The following MAP6 variants were observed in gnomAD, a reference collection of about 807,000 sequenced individuals.
MAP6 encodes microtubule-associated protein 6.
In MAP6, 26 loss-of-function variants were observed where a neutral mutation model predicts 42.4. That is an observed-to-expected ratio of 0.61 (90% CI 0.45 to 0.85). The LOEUF (loss-of-function observed/expected upper bound fraction) is 0.85. Ranked by LOEUF, MAP6 falls within the 40% of genes least tolerant of loss-of-function variation. The pLI is 0.00. For missense variants in MAP6, 966 were observed against 1,099.0 expected, an observed-to-expected ratio of 0.88 and a Z score of 1.71; for synonymous variants, 418 against 443.8, an observed-to-expected ratio of 0.94 and a Z score of 0.73.
At chr11:75,648,311 T>C (rs1192996750) in intron 1 of MAP6, among the ~76,000 whole-genome samples, 1 of 152,132 alleles carries the variant, frequency 6.6e-6, no homozygotes, top group African/African-American at 2.4e-5. Context: ...CTGAGCAACA[T>C]AGTGAGACCT....
rs115691056 is a variant in MAP6, at chr11:75,648,564, T to A, written c.905+18901A>T. 8.0e-3 allele frequency among the ~76,000 whole-genome samples: 1,212 copies of A among 152,258 alleles called. 22 individuals carry two copies. Among genetic ancestry groups the A allele is most frequent in the African/African-American group, 0.027 (1,126 of 41,560 alleles). ...GAAGAAAATAGTGCCTTTATAACTT[T>A]GGGATAGTGAAGCATTTCTTACATT... On this transcript the variant is annotated intron_variant, in intron 1 of 3. Transcript: ENST00000304771.
chr11:75,665,727 G>A (rs891617849), intron 1 of MAP6, among the ~76,000 whole-genome samples: 3 of 151,980 alleles, frequency 2.0e-5, no homozygotes, highest in East Asian at 1.9e-4. Flanking sequence ...TTTGCTCCCC[G>A]CTTGGTAGCA....
intron 1 of MAP6, among the ~76,000 whole-genome samples, chr11:75,612,903 G>A (rs886078602): frequency 6.6e-6 from 1 of 152,182 alleles, no homozygotes; most frequent in Non-Finnish European, 1.5e-5. Flanking sequence ...TTTGTGGTTA[G>A]CAGGCAGTTT....
intron 1 of MAP6, among the ~76,000 whole-genome samples, chr11:75,623,026 A>T (rs1167862456): frequency 6.6e-6 from 1 of 152,200 alleles, no homozygotes; most frequent in Non-Finnish European, 1.5e-5. Context: ...AAAAGTTATT[A>T]AACATTTATC....
intron 1 of MAP6, among the ~76,000 whole-genome samples, chr11:75,631,426 CT>C (rs932442179): frequency 4.0e-5 from 6 of 151,562 alleles, no homozygotes; most frequent in Admixed American, 1.3e-4. Flanking sequence ...ATACAGTAGA[CT>C]TTTTTTTTCT....
chr11:75,654,907 A>C (rs1943715622), intron 1 of MAP6, among the ~76,000 whole-genome samples: 1 of 152,198 alleles, frequency 6.6e-6, no homozygotes, highest in South Asian at 2.1e-4. Flanking sequence ...TTCACAGGAC[A>C]CAAGGGCACC....
intron 3 of MAP6, among the ~76,000 whole-genome samples, chr11:75,596,896 G>A (rs915131783): frequency 6.6e-6 from 1 of 152,216 alleles, no homozygotes; most frequent in Non-Finnish European, 1.5e-5. Flanking sequence ...GAGGGACAGA[G>A]GAGGAGGCTG....
intron 3 of MAP6, among the ~76,000 whole-genome samples, chr11:75,590,534 G>A (rs138891258): frequency 6.6e-6 from 1 of 152,322 alleles, no homozygotes; most frequent in African/African-American, 2.4e-5. Flanking sequence ...TAATGAGCCA[G>A]TTGTGAGCTA....
At chr11:75,640,431 C>G (rs1943446211) in intron 1 of MAP6, among the ~76,000 whole-genome samples, 1 of 151,996 alleles carries the variant, frequency 6.6e-6, no homozygotes, top group Admixed American at 6.6e-5. Flanking sequence ...TTTTTCTGAC[C>G]CAATTCAAAC....
At position 75,608,327 on chromosome 11, in the gene MAP6, T is replaced by C; in HGVS notation, c.906-5A>G. On this transcript the variant is annotated splice_polypyrimidine_tract_variant and splice_region_variant and intron_variant, in intron 1 of 3. Coordinates refer to ENST00000304771, the MANE Select transcript of MAP6 (RefSeq NM_033063.2). ...GTCCATGCCCTGAATTCATTCCTGTTAGTCAAAGAAAGCATATGTGATATG... is the reference window on the plus strand; with the variant it reads ...GTCCATGCCCTGAATTCATTCCTGTCAGTCAAAGAAAGCATATGTGATATG... The C allele has an allele frequency of 6.2e-7, 1 of 1,613,200 alleles. No homozygotes were observed. Among genetic ancestry groups the C allele is most frequent in the East Asian group, 2.2e-5 (1 of 44,876 alleles).
At chr11:75,614,160 G>C (rs1045577752) in intron 1 of MAP6, among the ~76,000 whole-genome samples, 2 of 152,106 alleles carry the variant, frequency 1.3e-5, no homozygotes, top group African/African-American at 4.8e-5. Flanking sequence ...CCATCCCTGA[G>C]AGTAAAGGCT....
chr11:75,667,704 CG>C lies in MAP6; in HGVS notation c.665del (p.Ala222GlyfsTer76). On this transcript the variant is annotated frameshift_variant, in exon 1 of 4. Coordinates refer to ENST00000304771, the MANE Select transcript of MAP6 (RefSeq NM_033063.2). LOFTEE classifies it high-confidence loss of function. The surrounding 1 kb of genome is among the most constrained non-coding windows in gnomAD (Gnocchi z 5.6). ...AREQEAAPGG[A>X]GGLAAGKASG... The stretch of plus-strand genomic sequence containing the variant: ...ACGCCTTTCCGGCCGCCAGGCCACC[CG>C]CTCCGCCGGGGGCCGCCTCCTGCTC... 1 of 1,283,530 alleles carries C rather than the reference CG, an allele frequency of 7.8e-7. No homozygotes were observed. Among genetic ancestry groups the C allele is most frequent in the Non-Finnish European group, 9.8e-7 (1 of 1,018,894 alleles). The allele number at this position is 1,283,530 out of a possible 1,614,324, so 79.5% of individuals were successfully genotyped here.
At chr11:75,618,630 G>C (rs1943045759) in intron 1 of MAP6, among the ~76,000 whole-genome samples, 1 of 152,042 alleles carries the variant, frequency 6.6e-6, no homozygotes, top group Non-Finnish European at 1.5e-5. Flanking sequence ...TTATCCCTGA[G>C]TGCAGGGGGA....
chr11:75,643,203 T>C (rs1943503500), intron 1 of MAP6, among the ~76,000 whole-genome samples: 1 of 150,646 alleles, frequency 6.6e-6, no homozygotes, highest in Non-Finnish European at 1.5e-5. Flanking sequence ...TAAAATTTAT[T>C]ATTATGTATG....
chr11:75,623,071 T>C (rs1943135765), intron 1 of MAP6, among the ~76,000 whole-genome samples: 2 of 152,184 alleles, frequency 1.3e-5, no homozygotes, highest in African/African-American at 4.8e-5. Flanking sequence ...GGTCAATTTA[T>C]TTTTGACAAA....
At chr11:75,606,945 T>G (rs1225489963) in intron 2 of MAP6, among the ~76,000 whole-genome samples, 1 of 152,180 alleles carries the variant, frequency 6.6e-6, no homozygotes, top group Admixed American at 6.5e-5. Context: ...TCCCTCATTT[T>G]CCCTCCTTCC....
chr11:75,639,943 G>A (rs1024318594), intron 1 of MAP6, among the ~76,000 whole-genome samples: 1 of 152,124 alleles, frequency 6.6e-6, no homozygotes, highest in Non-Finnish European at 1.5e-5. Context: ...ACAGCTGACT[G>A]CCTCCCACTC....
At chr11:75,655,726 G>A (rs912733058) in intron 1 of MAP6, among the ~76,000 whole-genome samples, 1 of 152,244 alleles carries the variant, frequency 6.6e-6, no homozygotes, top group Non-Finnish European at 1.5e-5. Flanking sequence ...AAAGGTTGAA[G>A]TTGGCAGCAG....
Position 75,667,085 on chromosome 11 carries a change from C to A in MAP6, c.905+380G>T, listed in dbSNP as rs1385974492. On this transcript the variant is annotated intron_variant, in intron 1 of 3. Transcript: ENST00000304771. The surrounding 1 kb of genome is among the most constrained non-coding windows in gnomAD (Gnocchi z 5.6). ...ATTCTTCTTCTGGAAGAATGGGGAC[C>A]CTGCAAAGGGCAACATCCAGGCTAA... 1.3e-5 allele frequency among the ~76,000 whole-genome samples: 2 copies of A among 152,062 alleles called. No homozygotes were observed. Among genetic ancestry groups the A allele is most frequent in the Non-Finnish European group, 2.9e-5 (2 of 68,020 alleles).
Sources: allele counts gnomAD v4.1 joint callset (sites outside exome capture counted in the v4.1 genomes callset), GRCh38; gene constraint gnomAD v4.1.1; non-coding constraint Gnocchi (gnomAD v3.1); transcripts MANE v1.5; gene names NCBI Gene and HGNC (gene_info 2026-07-23, HGNC 2026-07-21).